The following NELL2 variants were observed in gnomAD, a reference collection of about 807,000 sequenced individuals.
NELL2 encodes protein kinase C-binding protein NELL2.
Under a neutral mutation model 109.6 loss-of-function variants are expected in NELL2, and 41 were observed. The observed-to-expected ratio is 0.37, with a 90% CI of 0.29 to 0.49. NELL2 has a LOEUF of 0.49. Among genes scored for constraint, NELL2 ranks in the 20% least tolerant of loss-of-function variants. NELL2 has a pLI of 0.98. For missense variants in NELL2, 900 were observed against 1,008.3 expected (o/e 0.89, Z 1.45); for synonymous variants, 355 against 344.7 (o/e 1.03, Z -0.33).
intron 9 of NELL2, among the ~76,000 whole-genome samples, chr12:44,719,119 TCCC>T (rs1049155490): frequency 6.6e-6 from 1 of 152,006 alleles, no homozygotes; most frequent in Non-Finnish European, 1.5e-5. Flanking sequence ...CACTTCATTT[TCCC>T]CCATTTTAAG....
chr12:44,736,493 G>C (rs1269981540), intron 9 of NELL2, among the ~76,000 whole-genome samples: 3 of 151,764 alleles, frequency 2.0e-5, no homozygotes, highest in Admixed American at 2.0e-4. Flanking sequence ...TAAAATATAT[G>C]TATAATTGAC....
intron 15 of NELL2, among the ~76,000 whole-genome samples, chr12:44,555,614 C>T (rs1943222434): frequency 6.6e-6 from 1 of 152,116 alleles, no homozygotes; most frequent in South Asian, 2.1e-4. Flanking sequence ...TCACAATAAC[C>T]TTTCAACCCA....
At chr12:44,527,337 TCAGA>T (rs1275041301) in intron 16 of NELL2, among the ~76,000 whole-genome samples, 2 of 152,276 alleles carry the variant, frequency 1.3e-5, no homozygotes, top group South Asian at 2.1e-4. Context: ...GGACTGTGTC[TCAGA>T]CAGAGACAAA....
At chr12:44,774,259 G>A (rs996673039) in intron 9 of NELL2, among the ~76,000 whole-genome samples, 1 of 152,160 alleles carries the variant, frequency 6.6e-6, no homozygotes, top group African/African-American at 2.4e-5. Flanking sequence ...ACACATGGTG[G>A]TGTGAGCCTT....
intron 15 of NELL2, among the ~76,000 whole-genome samples, chr12:44,580,510 A>T (rs992172082): frequency 8.5e-5 from 13 of 152,152 alleles, no homozygotes; most frequent in Non-Finnish European, 1.9e-4. Context: ...TGAGCTCGGG[A>T]GTTCGAAACC....
chr12:44,511,036 G>A (rs954794711), intron 19 of NELL2, among the ~76,000 whole-genome samples: 1 of 152,188 alleles, frequency 6.6e-6, no homozygotes, highest in African/African-American at 2.4e-5. Flanking sequence ...CCATCACTGA[G>A]TATGTGCAAT....
At chr12:44,669,802 T>A (rs1948075440) in intron 12 of NELL2, among the ~76,000 whole-genome samples, 1 of 152,202 alleles carries the variant, frequency 6.6e-6, no homozygotes, top group Non-Finnish European at 1.5e-5. Flanking sequence ...ATTTTGGGAG[T>A]TCCAGAAGGA....
rs992129400 is a variant in NELL2 at position 44,876,118 on chromosome 12, C to A, written c.-249G>T. On this transcript the variant is annotated 5_prime_UTR_variant, in exon 1 of 20. Transcript: ENST00000429094. ...GCAGGGCCGAGGCGGCAGCGCGGCC[C>A]GGAGGGGGCCCGGAGGGAGGGGTCG... is the stretch of plus-strand genomic sequence containing the variant. 4 of 1,314,072 alleles carry A rather than the reference C, an allele frequency of 3.0e-6. No homozygotes were observed. Among genetic ancestry groups the A allele is most frequent in the Admixed American group, 6.5e-5 (2 of 30,826 alleles). 81.4% of individuals were successfully genotyped at this position (1,314,072 alleles called of 1,614,324 possible). A position where few individuals can be genotyped will look rare whatever the true frequency, so the allele number is the denominator to read the frequency against.
At chr12:44,710,710 T>C (rs77784537) in intron 11 of NELL2, among the ~76,000 whole-genome samples, 9,218 of 152,188 alleles carry the variant, frequency 0.061, 920 homozygotes, top group African/African-American at 0.21. Context: ...AACTAATAAT[T>C]GAAGTCCCTT....
chr12:44,884,069 T>C lies in NELL2; in HGVS notation c.39-8169A>G, dbSNP rs546270543. ...AAAATATAATCCCACTATATGTTAT[T>C]AAAAAGAAATCTACTTCAAATATAA... On this transcript the variant is annotated intron_variant, in intron 1 of 20. Coordinates refer to the NELL2 transcript ENST00000333837. Among the ~76,000 whole-genome samples, 6 of 151,782 alleles carry C rather than the reference T, an allele frequency of 4.0e-5. No homozygotes were observed. The East Asian group carries it at 1.2e-3, about 29-fold the overall frequency.
intron 13 of NELL2, among the ~76,000 whole-genome samples, chr12:44,645,252 G>A (rs1947052222): frequency 6.6e-6 from 1 of 152,086 alleles, no homozygotes; most frequent in Admixed American, 6.6e-5. Context: ...CAATAAGCAA[G>A]GGAAGAACAT....
intron 9 of NELL2, among the ~76,000 whole-genome samples, chr12:44,757,401 G>C (rs1940936193): frequency 6.6e-6 from 1 of 151,982 alleles, no homozygotes; most frequent in Non-Finnish European, 1.5e-5. Context: ...GCTTCCTAAT[G>C]CTTTGGGGAT....
chr12:44,796,750 G>C (rs1394075797), intron 3 of NELL2, among the ~76,000 whole-genome samples: 1 of 152,056 alleles, frequency 6.6e-6, no homozygotes, highest in East Asian at 1.9e-4. Flanking sequence ...AGCCAAAATT[G>C]TATCACCAAG....
At chr12:44,882,861 G>C (rs1238821641) in intron 1 of NELL2, among the ~76,000 whole-genome samples, 1 of 101,936 alleles carries the variant, frequency 9.8e-6, no homozygotes, top group Non-Finnish European at 1.8e-5. Context: ...TTTTTTTTGA[G>C]ACAGAGTCTC....
chr12:44,658,364 T>C (rs1947589700), intron 13 of NELL2, among the ~76,000 whole-genome samples: 1 of 151,996 alleles, frequency 6.6e-6, no homozygotes, highest in Non-Finnish European at 1.5e-5. Context: ...GAGAATAAAA[T>C]ACCTAGGAAT....
At chr12:44,610,259 A>C (rs1592202531) in intron 14 of NELL2, among the ~76,000 whole-genome samples, 2 of 151,842 alleles carry the variant, frequency 1.3e-5, no homozygotes, top group South Asian at 4.1e-4. Flanking sequence ...AAAAAACAAA[A>C]AAAAAAACTG....
intron 9 of NELL2, among the ~76,000 whole-genome samples, chr12:44,743,953 A>G (rs1327710963): frequency 6.6e-6 from 1 of 152,190 alleles, no homozygotes; most frequent in African/African-American, 2.4e-5. Flanking sequence ...AGCGGACCTA[A>G]TAGACATCTA....
chr12:44,871,911 G>T lies in NELL2; in HGVS notation c.184+3314C>A, dbSNP rs532226095. ...ATGGATTAATGAGATTATAAAATCT[G>T]TTAACACTTCAGAAGAAATTGTATT... On this transcript the variant is annotated intron_variant, in intron 2 of 19. Coordinates refer to ENST00000429094, the MANE Select transcript of NELL2 (RefSeq NM_001145108.2). 3.7e-4 allele frequency among the ~76,000 whole-genome samples: 57 copies of T among 152,138 alleles called. 1 individual carries two copies. In the South Asian group the frequency reaches 0.011, roughly 29 times the overall value.
chr12:44,607,095 A>G, intron 15 of NELL2, 74 bp downstream of exon 15: 1 of 1,304,726 alleles, frequency 7.7e-7, no homozygotes, highest in Non-Finnish European at 1.1e-6. Flanking sequence ...AACTTGAAAC[A>G]TTATTTTCCT....
Sources: gnomAD v4.1 joint callset for allele counts (sites outside exome capture counted in the v4.1 genomes callset) on GRCh38, gnomAD v4.1.1 for gene constraint, MANE v1.5 for transcripts, NCBI Gene and HGNC (gene_info 2026-07-23, HGNC 2026-07-21) for gene names.